Variants in FHIT observed in about 807,000 individuals in gnomAD.
The protein encoded by FHIT is fragile histidine triad diadenosine triphosphatase.
In FHIT, 19 loss-of-function variants were observed where a neutral mutation model predicts 17.9. The observed-to-expected ratio is 1.06, with a 90% CI of 0.74 to 1.56. The LOEUF (loss-of-function observed/expected upper bound fraction) is 1.56. FHIT is among the 40% of genes most tolerant of loss of function. The probability of loss-of-function intolerance (pLI) is 0.00; values close to 1 mark genes in which losing one functional copy is unlikely to be tolerated. For synonymous variants in FHIT, 81 were observed against 69.7 expected, an observed-to-expected ratio of 1.16 and a Z score of -0.81; for missense variants, 248 against 189.2, an observed-to-expected ratio of 1.31 and a Z score of -1.82.
chr3:60,438,763 G>T (rs144792246), intron 5 of FHIT, among the ~76,000 whole-genome samples: 1 of 152,040 alleles, frequency 6.6e-6, no homozygotes, highest in African/African-American at 2.4e-5. Flanking sequence ...TAACCACATT[G>T]TTGGGTTAAA....
intron 8 of FHIT, among the ~76,000 whole-genome samples, chr3:59,878,518 G>A (rs1405731918): frequency 1.3e-5 from 2 of 152,112 alleles, no homozygotes; most frequent in South Asian, 2.1e-4. Context: ...TGACTCTCAC[G>A]CATTGTAAAG....
intron 5 of FHIT, among the ~76,000 whole-genome samples, chr3:60,174,761 C>G (rs1701590228): frequency 6.6e-6 from 1 of 151,784 alleles, no homozygotes; most frequent in South Asian, 2.1e-4. Flanking sequence ...TATCTAGTTC[C>G]AAAGCATTTT....
intron 3 of FHIT, among the ~76,000 whole-genome samples, chr3:60,977,858 C>T (rs35166973): frequency 0.16 from 24,302 of 151,974 alleles, 2,517 homozygotes; most frequent in Middle Eastern, 0.26. Flanking sequence ...ACAACGAGAG[C>T]GAAACTCCAT....
chr3:60,595,156 T>C (rs1576941961), intron 4 of FHIT, among the ~76,000 whole-genome samples: 1 of 152,072 alleles, frequency 6.6e-6, no homozygotes, highest in East Asian at 1.9e-4. Flanking sequence ...TTCATCTGCA[T>C]TACATTTCAA....
intron 5 of FHIT, among the ~76,000 whole-genome samples, chr3:60,474,268 T>C (rs2033235506): frequency 6.6e-6 from 1 of 152,142 alleles, no homozygotes; most frequent in East Asian, 1.9e-4. Flanking sequence ...TTTTCATCCA[T>C]GGGAAAAGGA....
chr3:59,948,875 T>C (rs79084440), intron 7 of FHIT, among the ~76,000 whole-genome samples: 92 of 152,294 alleles, frequency 6.0e-4, no homozygotes, highest in Non-Finnish European at 6.5e-4. Flanking sequence ...CTATAGACTT[T>C]TTTTCCTTTT....
chr3:60,981,529 T>C (rs1050048313), intron 3 of FHIT, among the ~76,000 whole-genome samples: 2 of 152,068 alleles, frequency 1.3e-5, no homozygotes, highest in African/African-American at 4.8e-5. Flanking sequence ...CAGGCTGGTC[T>C]CGAACTCCTG....
chr3:60,057,772 C>T (rs990316840), intron 5 of FHIT, among the ~76,000 whole-genome samples: 1 of 151,750 alleles, frequency 6.6e-6, no homozygotes, highest in East Asian at 1.9e-4. Flanking sequence ...ACCCCTCATT[C>T]TCAGGATTGC....
chr3:60,504,443 AT>A (rs1553636350), intron 5 of FHIT, among the ~76,000 whole-genome samples: 2 of 140,290 alleles, frequency 1.4e-5, no homozygotes, highest in Non-Finnish European at 1.6e-5. Context: ...AAAAAAAAAA[AT>A]TTTTTTTTTG....
intron 3 of FHIT, among the ~76,000 whole-genome samples, chr3:60,925,660 C>T (rs868961957): frequency 6.6e-6 from 1 of 152,102 alleles, no homozygotes; most frequent in African/African-American, 2.4e-5. Context: ...AACTAATGAG[C>T]AAAATAACCA....
At chr3:60,926,497 T>C (rs1451970035) in intron 3 of FHIT, among the ~76,000 whole-genome samples, 1 of 152,214 alleles carries the variant, frequency 6.6e-6, no homozygotes, top group East Asian at 1.9e-4. Flanking sequence ...AAAGACGTTC[T>C]TTGAAACCAA....
At chr3:61,027,507 C>G (rs997855477) in intron 3 of FHIT, among the ~76,000 whole-genome samples, 1 of 152,254 alleles carries the variant, frequency 6.6e-6, no homozygotes, top group African/African-American at 2.4e-5. Flanking sequence ...AGTAAATTCA[C>G]ATTGGTAGCT....
At chr3:60,881,529 G>T (rs191014631) in intron 3 of FHIT, among the ~76,000 whole-genome samples, 311 of 151,698 alleles carry the variant, frequency 2.1e-3, no homozygotes, top group Middle Eastern at 3.4e-3. Context: ...AGATCACAAA[G>T]GCCACAAAAT....
At chr3:60,268,360 T>G (rs968587963) in intron 5 of FHIT, among the ~76,000 whole-genome samples, 1 of 152,222 alleles carries the variant, frequency 6.6e-6, no homozygotes, top group Non-Finnish European at 1.5e-5. Flanking sequence ...TACTGCATAG[T>G]TCATTCATAG....
At chr3:61,154,778 T>G (rs2107065968) in intron 2 of FHIT, among the ~76,000 whole-genome samples, 1 of 152,376 alleles carries the variant, frequency 6.6e-6, no homozygotes, top group Non-Finnish European at 1.5e-5. Context: ...ACCAAAATGC[T>G]GGTTACAAAA....
intron 5 of FHIT, among the ~76,000 whole-genome samples, chr3:60,527,959 C>G (rs151749): frequency 0.16 from 24,669 of 152,236 alleles, 2,474 homozygotes; most frequent in Middle Eastern, 0.22. Context: ...TCAAACCACT[C>G]ATAGGCCAAT....
rs1220817643 is a variant in FHIT, at chr3:60,660,727, C to CTTTTTTT, written c.-17-123749_-17-123748insAAAAAAA. 1.6e-3 allele frequency among the ~76,000 whole-genome samples: 26 copies of CTTTTTTT among 16,734 alleles called. 1 individual carries two copies. The highest frequency in any genetic ancestry group is 2.5e-3 in the African/African-American group (18 of 7,328). 11.0% of individuals were successfully genotyped at this position (16,734 alleles called of 152,430 possible). Reference sequence around the variant, plus strand: ...ATGATGTGGAATATCTTTTATTGTGCTCTTTTTTTTTTTTTTTTTTTTTGC... The same window carrying CTTTTTTT: ...ATGATGTGGAATATCTTTTATTGTGCTTTTTTTTCTTTTTTTTTTTTTTTTTTTTTGC... On this transcript the variant is annotated intron_variant, in intron 4 of 9. Coordinates refer to ENST00000492590, the MANE Select transcript of FHIT (RefSeq NM_002012.4).
chr3:59,909,148 C>T (rs1434930920), intron 8 of FHIT, among the ~76,000 whole-genome samples: 1 of 151,958 alleles, frequency 6.6e-6, no homozygotes, highest in East Asian at 1.9e-4. Context: ...ATTCTCCTGC[C>T]TCAGCCTCCT....
chr3:60,072,237 C>T lies in FHIT; in HGVS notation c.104-58085G>A, dbSNP rs146084563. Reference sequence around the variant, plus strand: ...GAATAAATCAAAGTGGCTTCGGATACATTAACCCTAGCTTGTCATTTGAGA... The same window carrying T: ...GAATAAATCAAAGTGGCTTCGGATATATTAACCCTAGCTTGTCATTTGAGA... On this transcript the variant is annotated intron_variant, in intron 5 of 9. Transcript: ENST00000492590. Among the ~76,000 whole-genome samples the T allele has an allele frequency of 2.2e-3, 340 of 152,280 alleles. 3 individuals carry two copies. The highest frequency in any genetic ancestry group is 7.7e-3 in the African/African-American group (321 of 41,554).
Sources: allele counts gnomAD v4.1 joint callset (sites outside exome capture counted in the v4.1 genomes callset), GRCh38; gene constraint gnomAD v4.1.1; transcripts MANE v1.5; gene names NCBI Gene and HGNC (gene_info 2026-07-23, HGNC 2026-07-21).